The following LRRC4C variants were observed in gnomAD, a reference collection of about 807,000 sequenced individuals.
The protein encoded by LRRC4C is leucine-rich repeat-containing protein 4C.
Under a neutral mutation model 33.6 loss-of-function variants are expected in LRRC4C, and 5 were observed. That is an observed-to-expected ratio of 0.15 (90% CI 0.08 to 0.31). LRRC4C has a LOEUF of 0.31. Ranked by LOEUF, LRRC4C falls within the 10% of genes least tolerant of loss-of-function variation. LRRC4C has a pLI of 1.00. For synonymous variants in LRRC4C, 329 were observed against 302.0 expected, an observed-to-expected ratio of 1.09 and a Z score of -0.93; for missense variants, 560 against 796.7, an observed-to-expected ratio of 0.70 and a Z score of 3.58.
At chr11:40,659,698 C>T (rs1453868858) in intron 2 of LRRC4C, among the ~76,000 whole-genome samples, 2 of 152,172 alleles carry the variant, frequency 1.3e-5, no homozygotes, top group African/African-American at 2.4e-5. Context: ...CAGCTCTCCT[C>T]TCCATTTAGA....
At chr11:40,244,297 C>G (rs1276234678) in intron 4 of LRRC4C, among the ~76,000 whole-genome samples, 1 of 152,000 alleles carries the variant, frequency 6.6e-6, no homozygotes, top group Non-Finnish European at 1.5e-5. Context: ...TTCAGCCCCC[C>G]ATCTGAGCTC....
At chr11:40,494,629 C>T (rs1376624456) in intron 3 of LRRC4C, among the ~76,000 whole-genome samples, 1 of 151,944 alleles carries the variant, frequency 6.6e-6, no homozygotes, top group Admixed American at 6.6e-5. Context: ...CAAGATTAAA[C>T]CACACATATA....
chr11:41,256,175 G>A (rs1948792417), intron 1 of LRRC4C, among the ~76,000 whole-genome samples: 1 of 151,916 alleles, frequency 6.6e-6, no homozygotes, highest in African/African-American at 2.4e-5. Context: ...ACCTTTTACA[G>A]AAACACAGTA....
intron 1 of LRRC4C, among the ~76,000 whole-genome samples, chr11:41,123,519 G>A (rs983800151): frequency 2.0e-5 from 3 of 151,534 alleles, no homozygotes; most frequent in Admixed American, 6.6e-5. Context: ...TGATCCGCCC[G>A]CCTCGGCCTC....
intron 2 of LRRC4C, among the ~76,000 whole-genome samples, chr11:40,676,764 G>C (rs1480544047): frequency 6.6e-6 from 1 of 152,102 alleles, no homozygotes; most frequent in African/African-American, 2.4e-5. Context: ...CACATGGGAT[G>C]GGCTACAAGC....
intron 2 of LRRC4C, among the ~76,000 whole-genome samples, chr11:40,796,628 CA>C (rs1397614169): frequency 7.0e-6 from 1 of 142,334 alleles, no homozygotes; most frequent in African/African-American, 2.7e-5. Context: ...GAGGGCTAAG[CA>C]GAACTCTTTT....
chr11:40,226,596 C>A (rs1864815293), intron 5 of LRRC4C, among the ~76,000 whole-genome samples: 1 of 152,126 alleles, frequency 6.6e-6, no homozygotes, highest in African/African-American at 2.4e-5. Flanking sequence ...TAGTCAGATT[C>A]CGTAGATTAA....
chr11:41,341,936 T>G lies in LRRC4C; in HGVS notation c.-496+117495A>C, dbSNP rs1951652913. Among the ~76,000 whole-genome samples the G allele has an allele frequency of 2.0e-5, 3 of 152,322 alleles. No homozygotes were observed. In the South Asian group the frequency reaches 6.2e-4, roughly 32 times the overall value. On this transcript the variant is annotated intron_variant, in intron 1 of 6. Transcript: ENST00000528697. Reference sequence around the variant, plus strand: ...ATAATAAAAGGCATTGATAATCTGGTTATTGATAGTTAAGAATTGACTGTA... The same window carrying G: ...ATAATAAAAGGCATTGATAATCTGGGTATTGATAGTTAAGAATTGACTGTA...
At chr11:41,080,915 A>G (rs1361551303) in intron 1 of LRRC4C, among the ~76,000 whole-genome samples, 3 of 152,164 alleles carry the variant, frequency 2.0e-5, no homozygotes, top group Non-Finnish European at 4.4e-5. Flanking sequence ...GATACCATGG[A>G]AAACCTTGCA....
At chr11:41,283,243 G>A (rs184117796) in intron 1 of LRRC4C, among the ~76,000 whole-genome samples, 23 of 152,202 alleles carry the variant, frequency 1.5e-4, no homozygotes, top group East Asian at 3.9e-4. Context: ...GGAAATATCC[G>A]CTTAGAAAAT....
intron 1 of LRRC4C, among the ~76,000 whole-genome samples, chr11:41,447,771 A>C (rs929050781): frequency 4.1e-4 from 63 of 152,328 alleles, no homozygotes; most frequent in African/African-American, 1.4e-3. Context: ...GTTAAAACAT[A>C]AAATAGTTAC....
intron 3 of LRRC4C, among the ~76,000 whole-genome samples, chr11:40,598,051 T>G (rs1334052535): frequency 1.3e-5 from 2 of 152,144 alleles, no homozygotes; most frequent in Non-Finnish European, 2.9e-5. Context: ...TCATAGGTGC[T>G]TTTTCAAAAG....
chr11:40,559,798 GT>G (rs1957476349), intron 3 of LRRC4C, among the ~76,000 whole-genome samples: 1 of 151,894 alleles, frequency 6.6e-6, no homozygotes, highest in African/African-American at 2.4e-5. Flanking sequence ...TGAGGTTTTG[GT>G]TTGCATTTCT....
intron 2 of LRRC4C, among the ~76,000 whole-genome samples, chr11:40,821,459 T>C (rs1472094806): frequency 1.3e-5 from 2 of 151,576 alleles, no homozygotes; most frequent in South Asian, 4.1e-4. Context: ...AAATAAATTA[T>C]TATAGATTTG....
intron 3 of LRRC4C, among the ~76,000 whole-genome samples, chr11:40,418,425 A>C (rs1344767590): frequency 6.6e-6 from 1 of 152,224 alleles, no homozygotes; most frequent in Non-Finnish European, 1.5e-5. Flanking sequence ...ATCTAATGTC[A>C]GTCAGAATGA....
chr11:40,508,172 T>C (rs2138690859), intron 3 of LRRC4C, among the ~76,000 whole-genome samples: 1 of 152,282 alleles, frequency 6.6e-6, no homozygotes, highest in African/African-American at 2.4e-5. Flanking sequence ...GGCCCAACTA[T>C]GTACAAAATA....
At chr11:40,796,931 C>A (rs1339895823) in intron 2 of LRRC4C, among the ~76,000 whole-genome samples, 1 of 152,066 alleles carries the variant, frequency 6.6e-6, no homozygotes, top group Non-Finnish European at 1.5e-5. Flanking sequence ...CAGGCATGAG[C>A]CACCACGCCT....
At chr11:40,655,944 C>G (rs908710173) in intron 2 of LRRC4C, among the ~76,000 whole-genome samples, 5 of 152,002 alleles carry the variant, frequency 3.3e-5, no homozygotes, top group African/African-American at 1.2e-4. Flanking sequence ...AAGAGGAAAT[C>G]GTCATACACT....
rs543103846 is a variant in LRRC4C at position 40,999,452 on chromosome 11, ATTAT to A, written c.-495-65733_-495-65730del. On this transcript the variant is annotated intron_variant, in intron 1 of 6. Coordinates refer to ENST00000528697, the MANE Select transcript of LRRC4C (RefSeq NM_001258419.2). ...TCTTTAAAAATAATTTCTAACATAA[ATTAT>A]TTGTTTTTGTCTTAGCTCAAATATT... 4.5e-3 allele frequency among the ~76,000 whole-genome samples: 678 copies of A among 152,248 alleles called. 3 individuals are homozygous for A. The highest frequency in any genetic ancestry group is 0.014 in the African/African-American group (561 of 41,538).
Sources: gnomAD v4.1 joint callset for allele counts (sites outside exome capture counted in the v4.1 genomes callset) on GRCh38, gnomAD v4.1.1 for gene constraint, MANE v1.5 for transcripts, NCBI Gene and HGNC (gene_info 2026-07-23, HGNC 2026-07-21) for gene names.